Variants in DHTKD1 observed in about 807,000 individuals in gnomAD.
DHTKD1 encodes 2-oxoadipate dehydrogenase complex component E1.
In DHTKD1, 78 loss-of-function variants were observed where a neutral mutation model predicts 101.8. The observed-to-expected ratio is 0.77, with a 90% CI of 0.64 to 0.93. DHTKD1 has a LOEUF of 0.93. Ranked by LOEUF, DHTKD1 falls within the 40% of genes least tolerant of loss-of-function variation. The pLI, the probability that DHTKD1 is intolerant of heterozygous loss-of-function variation, is 0.00. For synonymous variants in DHTKD1, 462 were observed against 450.3 expected (o/e 1.03, Z -0.33); for missense variants, 1,223 against 1,161.7 (o/e 1.05, Z -0.77).
chr10:12,114,226 AC>A (rs1833379459), intron 13 of DHTKD1, among the ~76,000 whole-genome samples: 1 of 152,130 alleles, frequency 6.6e-6, no homozygotes, highest in Non-Finnish European at 1.5e-5. Flanking sequence ...AATAAATACT[AC>A]TAAGCATATA....
chr10:12,120,939 G>T lies in DHTKD1; in HGVS notation c.*51G>T. 2 of 1,555,534 alleles carry T rather than the reference G, an allele frequency of 1.3e-6. No homozygotes were observed. Among genetic ancestry groups the T allele is most frequent in the South Asian group, 1.1e-5 (1 of 89,278 alleles). ...TCTCTTTAAGAAAATGGCCATTAAG[G>T]CCGGGTGGGGTGGCACATGCCTGTA... On this transcript the variant is annotated 3_prime_UTR_variant, in exon 17 of 17. Transcript: ENST00000263035.
rs1252526622 is a variant in DHTKD1, at chr10:12,122,268, A to C, written c.*1380A>C. The C allele has an allele frequency of 2.6e-5, 4 of 152,222 alleles. No homozygotes were observed. Among genetic ancestry groups the C allele is most frequent in the Non-Finnish European group, 5.9e-5 (4 of 68,038 alleles). The allele number at this position is 152,222 out of a possible 1,614,324, so 9.4% of individuals were successfully genotyped here. On this transcript the variant is annotated 3_prime_UTR_variant, in exon 17 of 17. Transcript: ENST00000263035. Reference sequence around the variant, plus strand: ...GATATGGGGATTTCAGCCCCTGGTTAATCAGTCTTGTCCCTACAAGTCCCT... The same window carrying C: ...GATATGGGGATTTCAGCCCCTGGTTCATCAGTCTTGTCCCTACAAGTCCCT...
chr10:12,114,962 A>T (rs1376403755), intron 13 of DHTKD1, among the ~76,000 whole-genome samples: 1 of 151,826 alleles, frequency 6.6e-6, no homozygotes, highest in Non-Finnish European at 1.5e-5. Context: ...CGACCTGCTA[A>T]TTTTTTGTAT....
At position 12,107,591 on chromosome 10, in the gene DHTKD1, T is replaced by A. The variant is rs1564396814; in HGVS notation, c.2048-318T>A. Among the ~76,000 whole-genome samples the A allele has an allele frequency of 6.6e-6, 1 of 152,016 alleles. No individual in the cohort carries two copies. Among genetic ancestry groups the A allele is most frequent in the African/African-American group, 2.4e-5 (1 of 41,400 alleles). On this transcript the variant is annotated intron_variant, in intron 11 of 16. Transcript: ENST00000263035. The surrounding 1 kb of genome is among the most constrained non-coding windows in gnomAD (Gnocchi z 4.1). Reference sequence around the variant, plus strand: ...TGCCACTACAGCTGGCTAATTTTTGTATTTTTAGTAGAGACGGGGTTTCAC... The same window carrying A: ...TGCCACTACAGCTGGCTAATTTTTGAATTTTTAGTAGAGACGGGGTTTCAC...
intron 12 of DHTKD1, among the ~76,000 whole-genome samples, chr10:12,109,133 ACT>A (rs1234527886): frequency 2.6e-5 from 4 of 151,890 alleles, no homozygotes; most frequent in African/African-American, 4.8e-5. Context: ...GACAACAAAG[ACT>A]CTGTCTCAAA....
At position 12,106,292 on chromosome 10, in the gene DHTKD1, A is replaced by G; in HGVS notation, c.1943A>G (p.Tyr648Cys). 6.2e-7 allele frequency: 1 copy of G among 1,614,136 alleles called. No individual in the cohort carries two copies. Among genetic ancestry groups the G allele is most frequent in the Non-Finnish European group, 8.5e-7 (1 of 1,180,018 alleles). The change falls in exon 11 of 17, where the codon TAT (tyrosine) becomes TGT (cysteine). Residue 648 changes from tyrosine to cysteine, a missense_variant. By Grantham distance (194) the Tyr-to-Cys change is radical (BLOSUM62 -2). Transcript: ENST00000263035. ...GAAGAGGCCGTCCTGGGATTTGAAT[A>G]TGGGATGAGCATTGAGAGCCCAAAG... is the stretch of plus-strand genomic sequence containing the variant. Reference protein sequence around the residue: ...LSEEAVLGFEYGMSIESPKLL... With the variant: ...LSEEAVLGFECGMSIESPKLL...
At chr10:12,116,214 A>T (rs1009508632) in intron 13 of DHTKD1, 1 of 152,020 alleles carries the variant, frequency 6.6e-6, no homozygotes, top group Admixed American at 6.6e-5. Flanking sequence ...TACAGGCATG[A>T]GCCACCACGT....
rs372887229 is a variant in DHTKD1, at chr10:12,095,839, G to A, written c.1358+1568G>A. 8.1e-3 allele frequency among the ~76,000 whole-genome samples: 606 copies of A among 74,854 alleles called. 1 individual carries two copies. The highest frequency in any genetic ancestry group is 0.014 in the South Asian group (24 of 1,724). The allele number at this position is 74,854 out of a possible 152,430, so 49.1% of individuals were successfully genotyped here. On this transcript the variant is annotated intron_variant, in intron 7 of 16. Coordinates refer to ENST00000263035, the MANE Select transcript of DHTKD1 (RefSeq NM_018706.7). ...AAAAAAAAAAAAAAAAAAAAGAAAAGAAAAGAAAAGAAAAAGAAAAATTAG... is the reference window on the plus strand; with the variant it reads ...AAAAAAAAAAAAAAAAAAAAGAAAAAAAAAGAAAAGAAAAAGAAAAATTAG...
At chr10:12,100,094 C>G in intron 8 of DHTKD1, 84 bp from the exon 9 acceptor site, 1 of 764,312 alleles carries the variant, frequency 1.3e-6, no homozygotes, top group Non-Finnish European at 2.1e-6. Flanking sequence ...CCATGCCTGG[C>G]CTGCATTAAA....
intron 1 of DHTKD1, among the ~76,000 whole-genome samples, chr10:12,075,388 A>C (rs1340109439): frequency 2.0e-5 from 3 of 151,578 alleles, no homozygotes; most frequent in Non-Finnish European, 4.4e-5. Context: ...TTTTTCTGAG[A>C]TGGAGTCTTG....
intron 5 of DHTKD1, among the ~76,000 whole-genome samples, chr10:12,089,696 A>C (rs1227293169): frequency 6.6e-6 from 1 of 151,192 alleles, no homozygotes; most frequent in Non-Finnish European, 1.5e-5. Context: ...TTTGAGACCG[A>C]GTCTCACTCT....
At chr10:12,088,010 G>A (rs1480635967) in intron 4 of DHTKD1, among the ~76,000 whole-genome samples, 1 of 152,206 alleles carries the variant, frequency 6.6e-6, no homozygotes, top group African/African-American at 2.4e-5. Context: ...CTACTCAGGA[G>A]ACTGAGGCCA....
At position 12,110,425 on chromosome 10, in the gene DHTKD1, CT is replaced by C. The variant is rs143886152; in HGVS notation, c.2154+2412del. ...TTATGTGTGGCACAAGACAATTCTT[CT>C]TCTTCCGGTGTGGCTCAGGTAAGCC... On this transcript the variant is annotated intron_variant, in intron 12 of 16. Transcript: ENST00000263035. This position sits in a 1 kb window ranked among gnomAD's most constrained non-coding sequence, Gnocchi z 4.9. Among the ~76,000 whole-genome samples, 13,662 of 152,026 alleles carry C rather than the reference CT, an allele frequency of 0.09. 813 individuals carry two copies. The highest frequency in any genetic ancestry group is 0.2 in the East Asian group (1,045 of 5,176).
chr10:12,122,876 T>A lies in DHTKD1; in HGVS notation c.*1988T>A, dbSNP rs1833546708. The A allele has an allele frequency of 6.6e-6, 1 of 152,244 alleles. No homozygotes were observed. 9.4% of individuals were successfully genotyped at this position (152,244 alleles called of 1,614,324 possible). A position where few individuals can be genotyped will look rare whatever the true frequency, so the allele number is the denominator to read the frequency against. ...TTTTTCTCTGAAGTGGTGTGGGAAG[T>A]ACCAGGGGACTGGCAGAAGCCCAGG... On this transcript the variant is annotated 3_prime_UTR_variant, in exon 17 of 17. Transcript: ENST00000263035.
intron 1 of DHTKD1, among the ~76,000 whole-genome samples, chr10:12,078,475 G>A (rs1339045938): frequency 6.6e-6 from 1 of 151,838 alleles, no homozygotes; most frequent in East Asian, 1.9e-4. Flanking sequence ...AGCCGGGCAT[G>A]GCGGCACGCA....
At chr10:12,080,706 G>A (rs561452862) in intron 1 of DHTKD1, among the ~76,000 whole-genome samples, 3 of 114,832 alleles carry the variant, frequency 2.6e-5, no homozygotes, top group Non-Finnish European at 6.2e-5. Flanking sequence ...GCAAGACAAT[G>A]TCTGAAAAAA....
chr10:12,084,773 G>A lies in DHTKD1; in HGVS notation c.522+22G>A, dbSNP rs978224834. ...TCAGGTAAAAAGGAGCATCTAGGCC[G>A]GGCACGGTGGCTCATGCCTGTAATC... On this transcript the variant is annotated intron_variant, in intron 3 of 16. Coordinates refer to ENST00000263035, the MANE Select transcript of DHTKD1 (RefSeq NM_018706.7). 8 of 1,608,498 alleles carry A rather than the reference G, an allele frequency of 5.0e-6. No homozygotes were observed. The African/African-American group carries it at 8.0e-5, about 16-fold the overall frequency.
chr10:12,081,719 G>A, intron 2 of DHTKD1, 92 bp downstream of exon 2: 1 of 1,469,606 alleles, frequency 6.8e-7, no homozygotes, highest in South Asian at 1.2e-5. Flanking sequence ...CCCCACTGGA[G>A]CTGAGGCTCC....
intron 10 of DHTKD1, among the ~76,000 whole-genome samples, chr10:12,102,304 G>C (rs1195799511): frequency 6.6e-6 from 1 of 151,288 alleles, no homozygotes; most frequent in Non-Finnish European, 1.5e-5. Context: ...TGCATCTGTA[G>C]TCCCAGCTAC....
Sources: gnomAD v4.1 joint callset for allele counts (sites outside exome capture counted in the v4.1 genomes callset) on GRCh38, gnomAD v4.1.1 for gene constraint, Gnocchi (gnomAD v3.1) non-coding constraint, MANE v1.5 for transcripts, NCBI Gene and HGNC (gene_info 2026-07-23, HGNC 2026-07-21) for gene names.